Variants in HJURP observed in about 807,000 individuals in gnomAD.
HJURP encodes the protein Holliday junction recognition protein.
HJURP carries 49 observed loss-of-function variants against 72.0 expected under a neutral mutation model. The ratio of observed to expected loss-of-function variants is 0.68; its 90% CI spans 0.54 to 0.86. HJURP has a LOEUF of 0.86. HJURP is among the 40% of genes least tolerant of loss of function. The pLI is 0.00. For missense variants in HJURP, 908 were observed against 936.3 expected (o/e 0.97, Z 0.39); for synonymous variants, 357 against 347.1 (o/e 1.03, Z -0.32).
chr2:233,852,615 T>C lies in HJURP; in HGVS notation c.190A>G (p.Arg64Gly). 1 of 1,602,454 alleles carries C rather than the reference T, an allele frequency of 6.2e-7. No homozygotes were observed. The highest frequency in any genetic ancestry group is 1.1e-5 in the South Asian group (1 of 90,856). ...TLTYETPQGLRIWGGRLIKER... is the reference protein window; with the variant it reads ...TLTYETPQGLGIWGGRLIKER... ...TTTATTAGTCTTCCACCCCAAATTC[T>C]CAATCCTGAAGAAAAGAAACAAAAA... Residue 64 changes from arginine (R) to glycine (G), a missense_variant, in exon 3 of 9, where the codon AGA (arginine) becomes GGA (glycine). Arg to Gly is a moderately radical substitution (Grantham distance 125, BLOSUM62 -2). This residue lies in a region of HJURP where 299 missense variants were observed against 286.7 expected (regional missense o/e 1.04). Transcript: ENST00000411486.
In HJURP at chr2:233,841,695, A is replaced by G. The variant is rs1011124626; in HGVS notation, c.1085T>C (p.Val362Ala). 2 of 1,614,048 alleles carry G rather than the reference A, an allele frequency of 1.2e-6. No individual in the cohort carries two copies. The highest frequency in any genetic ancestry group is 2.7e-5 in the African/African-American group (2 of 74,912). The change falls in exon 8 of 9, where the codon GTC (valine) becomes GCC (alanine). Residue 362 changes from valine (V) to alanine (A), a missense_variant. By Grantham distance (64) the Val-to-Ala change is moderately conservative (BLOSUM62 0). Around this residue, in one of 3 missense-constraint regions of HJURP, gnomAD observed 598 missense variants for 619.5 expected, o/e 0.97. Transcript: ENST00000411486. ...GLKLEKAFLEVNRPQIHKLDP... is the reference protein window; with the variant it reads ...GLKLEKAFLEANRPQIHKLDP... ...TAACTTATGGATTTGGGGTCTGTTG[A>G]CTTCAAGAAAAGCTTTTTCCAATTT... is the stretch of plus-strand genomic sequence containing the variant.
At chr2:233,854,024 A>ATGAT in intron 1 of HJURP, 114 bp from the exon 2 acceptor site, 1 of 887,892 alleles carries the variant, frequency 1.1e-6, no homozygotes, top group Non-Finnish European at 1.8e-6. Context: ...GGGCGCCCCA[A>ATGAT]ACGCGGTCTC....
chr2:233,840,834 CTTT>C lies in HJURP; in HGVS notation c.1943_1945del (p.Lys648del). 2 of 1,613,926 alleles carry C rather than the reference CTTT, an allele frequency of 1.2e-6. No homozygotes were observed. Among genetic ancestry groups the C allele is most frequent in the Non-Finnish European group, 1.7e-6 (2 of 1,179,958 alleles). On this transcript the variant is annotated inframe_deletion, in exon 8 of 9. Transcript: ENST00000411486. Reference sequence around the variant, plus strand: ...CTCAATTGCAGTTGAGCCCAGTAGACTTTTTCTGCACCCCAGGGGTGATGATGG... The same window carrying C: ...CTCAATTGCAGTTGAGCCCAGTAGACTTCTGCACCCCAGGGGTGATGATGG...
At chr2:233,839,625 C>T (rs1233974437) in intron 8 of HJURP, among the ~76,000 whole-genome samples, 2 of 152,214 alleles carry the variant, frequency 1.3e-5, no homozygotes, top group Non-Finnish European at 2.9e-5. Flanking sequence ...GCATACCAGA[C>T]CTTGGTTCTG....
At chr2:233,843,811 T>A (rs1044214797) in intron 7 of HJURP, among the ~76,000 whole-genome samples, 1 of 152,210 alleles carries the variant, frequency 6.6e-6, no homozygotes, top group Non-Finnish European at 1.5e-5. Context: ...TTTGGAGGTA[T>A]GTGTGAGGCA....
intron 4 of HJURP, 62 bp downstream of exon 4, chr2:233,849,701 G>GT: frequency 9.5e-7 from 1 of 1,053,026 alleles, no homozygotes; most frequent in South Asian, 1.4e-5. Context: ...TTAAGCTGTT[G>GT]TAACAGGTGC....
Position 233,837,468 on chromosome 2 carries a change from T to C in HJURP, c.*109A>G, listed in dbSNP as rs2124954896. ...GAACCAATTTCACTAATATTTACTTTAAGGGCAGAGAAGTCAACCAAGTCC... is the reference window on the plus strand; with the variant it reads ...GAACCAATTTCACTAATATTTACTTCAAGGGCAGAGAAGTCAACCAAGTCC... On this transcript the variant is annotated 3_prime_UTR_variant, in exon 9 of 9. Coordinates refer to ENST00000411486, the MANE Select transcript of HJURP (RefSeq NM_018410.5). 1 of 749,692 alleles carries C rather than the reference T, an allele frequency of 1.3e-6. No individual in the cohort carries two copies. The highest frequency in any genetic ancestry group is 1.5e-5 in the South Asian group (1 of 64,902). 46.4% of individuals were successfully genotyped at this position (749,692 alleles called of 1,614,324 possible).
intron 4 of HJURP, 78 bp from the exon 5 acceptor site, chr2:233,847,539 C>A (rs1165917498): frequency 1.7e-6 from 2 of 1,203,916 alleles, no homozygotes; most frequent in Non-Finnish European, 2.5e-6. Flanking sequence ...GTTTTGGCAT[C>A]ACTTCGAGTA....
intron 3 of HJURP, among the ~76,000 whole-genome samples, chr2:233,850,928 C>T (rs994414919): frequency 6.6e-6 from 1 of 152,212 alleles, no homozygotes; most frequent in Non-Finnish European, 1.5e-5. Context: ...CCCCCAGCCT[C>T]CAGGGCGGCA....
chr2:233,851,217 G>GTA (rs1170759671), intron 3 of HJURP, among the ~76,000 whole-genome samples: 1 of 152,192 alleles, frequency 6.6e-6, no homozygotes, highest in Non-Finnish European at 1.5e-5. Flanking sequence ...AATTCAAAGA[G>GTA]TATATATACT....
Position 233,841,657 on chromosome 2 carries a change from T to C in HJURP, c.1123A>G (p.Lys375Glu). 1.2e-6 allele frequency: 2 copies of C among 1,614,228 alleles called. No individual in the cohort carries two copies. The highest frequency in any genetic ancestry group is 1.7e-6 in the Non-Finnish European group (2 of 1,180,028). ...PQIHKLDPSW[K>E]ERKVTPSKYS... ...TTCGAGGGTGTCACTTTGCGCTCCTTCCAACTTGGATCTAACTTATGGATT... is the reference window on the plus strand; with the variant it reads ...TTCGAGGGTGTCACTTTGCGCTCCTCCCAACTTGGATCTAACTTATGGATT... The change falls in exon 8 of 9, where the codon AAG (lysine) becomes GAG (glutamate). Residue 375 changes from lysine (K) to glutamate (E), a missense_variant. Coordinates refer to ENST00000411486, the MANE Select transcript of HJURP (RefSeq NM_018410.5).
At chr2:233,840,067 A>G (rs140412543) in intron 8 of HJURP, among the ~76,000 whole-genome samples, 74 of 146,144 alleles carry the variant, frequency 5.1e-4, no homozygotes, top group African/African-American at 1.7e-3. Context: ...ATTCGCACAA[A>G]TTAAGCTGCA....
In HJURP at chr2:233,842,213, A is replaced by C; in HGVS notation, c.575-8T>G. The C allele has an allele frequency of 2.5e-6, 4 of 1,592,702 alleles. No individual in the cohort carries two copies. The highest frequency in any genetic ancestry group is 3.4e-6 in the Non-Finnish European group (4 of 1,169,724). Reference sequence around the variant, plus strand: ...AGATACGACTGCAGTATCCTGGGAGAAAAGATACACATAAAGTAAAGGTGT... The same window carrying C: ...AGATACGACTGCAGTATCCTGGGAGCAAAGATACACATAAAGTAAAGGTGT... On this transcript the variant is annotated splice_polypyrimidine_tract_variant and splice_region_variant and intron_variant, in intron 7 of 8. Transcript: ENST00000411486.
chr2:233,844,793 G>C (rs1335443911), intron 6 of HJURP, among the ~76,000 whole-genome samples: 1 of 121,068 alleles, frequency 8.3e-6, no homozygotes, highest in Non-Finnish European at 2.0e-5. Flanking sequence ...AGCACAGTAA[G>C]AAAACACATA....
rs1414772818 is a variant in HJURP at position 233,852,612 on chromosome 2, T to C, written c.193A>G (p.Ile65Val). Residue 65 changes from isoleucine (I) to valine (V), a missense_variant, in exon 3 of 9, where the codon ATT becomes GTT. By Grantham distance (29) the Ile-to-Val change is conservative (BLOSUM62 3). Transcript: ENST00000411486. ...TCCTTTATTAGTCTTCCACCCCAAA[T>C]TCTCAATCCTGAAGAAAAGAAACAA... ...LTYETPQGLR[I>V]WGGRLIKERN... The C allele has an allele frequency of 8.7e-6, 14 of 1,603,032 alleles. No individual in the cohort carries two copies. In the Admixed American group the frequency reaches 2.3e-4, roughly 27 times the overall value.
chr2:233,838,789 A>G (rs1374570756), intron 8 of HJURP, among the ~76,000 whole-genome samples: 1 of 152,214 alleles, frequency 6.6e-6, no homozygotes, highest in African/African-American at 2.4e-5. Context: ...AGCAGCCTCC[A>G]TGAAGTGTCT....
chr2:233,854,398 G>T lies in HJURP; in HGVS notation c.103C>A (p.Arg35=). The change falls in exon 1 of 9, where the codon CGG becomes AGG. Residue 35 remains arginine (R), a synonymous_variant. Coordinates refer to ENST00000411486, the MANE Select transcript of HJURP (RefSeq NM_018410.5). ...GGGGGCCGCACCTTCTCTATCAGCC[G>T]CTGCATGCGCCTCTGGAAGCGGCGG... The part of the protein sequence containing the change: ...SRRRFQRRMQ[R]LIEKYNQPFE... 6.3e-7 allele frequency: 1 copy of T among 1,598,246 alleles called. No individual in the cohort carries two copies. The highest frequency in any genetic ancestry group is 8.5e-7 in the Non-Finnish European group (1 of 1,173,786).
chr2:233,837,868 C>T (rs1406857864), intron 8 of HJURP, among the ~76,000 whole-genome samples: 1 of 152,238 alleles, frequency 6.6e-6, no homozygotes, highest in Non-Finnish European at 1.5e-5. Context: ...CCCCAGGGAG[C>T]ACAAGCTGGT....
At chr2:233,848,144 T>TAGG (rs1277623361) in intron 4 of HJURP, among the ~76,000 whole-genome samples, 1 of 152,030 alleles carries the variant, frequency 6.6e-6, no homozygotes, top group African/African-American at 2.4e-5. Flanking sequence ...ACTATTGGTG[T>TAGG]AGGCAAGGTG....
Sources: allele counts gnomAD v4.1 joint callset (sites outside exome capture counted in the v4.1 genomes callset), GRCh38; gene constraint gnomAD v4.1.1; regional missense constraint gnomAD v4.1.1; transcripts MANE v1.5; gene names NCBI Gene and HGNC (gene_info 2026-07-23, HGNC 2026-07-21).